HABP4: variants seen among roughly 807,000 people sequenced by gnomAD.
HABP4 encodes the protein hyaluronan binding protein 4, also known as intracellular hyaluronan-binding protein 4.
In HABP4, 32 loss-of-function variants were observed where a neutral mutation model predicts 44.1. That is an observed-to-expected ratio of 0.73 (90% CI 0.55 to 0.97). HABP4 has a LOEUF of 0.97. HABP4 is among the 50% of genes least tolerant of loss of function. HABP4 has a pLI of 0.00. For synonymous variants in HABP4, 216 were observed against 218.0 expected (o/e 0.99, Z 0.08); for missense variants, 503 against 561.9 (o/e 0.90, Z 1.06).
At chr9:96,472,891 C>T (rs541668339) in intron 5 of HABP4, among the ~76,000 whole-genome samples, 52 of 152,272 alleles carry the variant, frequency 3.4e-4, no homozygotes, top group African/African-American at 1.3e-3. Context: ...CTGCAGTCTG[C>T]GTCTTTCTTG....
intron 2 of HABP4, among the ~76,000 whole-genome samples, chr9:96,462,051 C>G (rs994985417): frequency 1.3e-5 from 2 of 151,354 alleles, no homozygotes; most frequent in African/African-American, 4.9e-5. Context: ...GAGGCTGAGG[C>G]AGGAGAATCG....
At chr9:96,467,532 T>C (rs1452359707) in intron 4 of HABP4, among the ~76,000 whole-genome samples, 1 of 147,122 alleles carries the variant, frequency 6.8e-6, no homozygotes, top group Non-Finnish European at 1.5e-5. Context: ...TTTTCCTTTT[T>C]TTTTTTTTTT....
chr9:96,481,997 G>A (rs1377752871), intron 5 of HABP4, among the ~76,000 whole-genome samples: 1 of 150,020 alleles, frequency 6.7e-6, no homozygotes, highest in Non-Finnish European at 1.5e-5. Flanking sequence ...GTGCAGTGGT[G>A]CGATCTCGGC....
intron 1 of HABP4, among the ~76,000 whole-genome samples, chr9:96,451,653 G>A (rs561742971): frequency 6.6e-6 from 1 of 152,066 alleles, no homozygotes; most frequent in Non-Finnish European, 1.5e-5. Flanking sequence ...TGTGCAGCTG[G>A]GTAATGTTTA....
chr9:96,480,422 C>A (rs943939314), intron 5 of HABP4, among the ~76,000 whole-genome samples: 1 of 152,044 alleles, frequency 6.6e-6, no homozygotes. Context: ...GTCTTAGTAT[C>A]TTTTAATATT....
At chr9:96,464,555 G>A (rs1473752632) in intron 2 of HABP4, among the ~76,000 whole-genome samples, 1 of 152,170 alleles carries the variant, frequency 6.6e-6, no homozygotes, top group Non-Finnish European at 1.5e-5. Flanking sequence ...GGAATTGCGT[G>A]GCTGAGGAAC....
intron 4 of HABP4, among the ~76,000 whole-genome samples, chr9:96,467,958 G>C (rs994668030): frequency 6.6e-6 from 1 of 152,236 alleles, no homozygotes; most frequent in African/African-American, 2.4e-5. Flanking sequence ...CCTTGGCCTT[G>C]TAATGTTAAG....
chr9:96,484,821 T>G (rs16910870), intron 6 of HABP4, among the ~76,000 whole-genome samples, 188 bp downstream of exon 6: 147 of 152,196 alleles, frequency 9.7e-4, no homozygotes, highest in African/African-American at 3.4e-3. Flanking sequence ...CTTGAGGTAT[T>G]GACAGATGCA....
intron 5 of HABP4, among the ~76,000 whole-genome samples, chr9:96,480,567 C>G (rs1832859157): frequency 6.6e-6 from 1 of 152,156 alleles, no homozygotes; most frequent in African/African-American, 2.4e-5. Flanking sequence ...CTAAATGCTA[C>G]CATTTATATC....
chr9:96,487,024 T>C (rs1226926808), intron 6 of HABP4, among the ~76,000 whole-genome samples: 2 of 152,020 alleles, frequency 1.3e-5, no homozygotes, highest in Non-Finnish European at 2.9e-5. Context: ...GTGTGTATCT[T>C]TTTACAGAAT....
intron 5 of HABP4, among the ~76,000 whole-genome samples, chr9:96,475,405 A>AAAAAAAG (rs1554725958): frequency 1.2e-4 from 18 of 149,994 alleles, no homozygotes; most frequent in African/African-American, 4.6e-4. Flanking sequence ...AAAAAAAAAA[A>AAAAAAAG]AAGAAGAAAA....
Position 96,488,062 on chromosome 9 carries a change from G to A in HABP4, c.1000-27G>A, listed in dbSNP as rs772473731. On this transcript the variant is annotated intron_variant, in intron 6 of 7. Coordinates refer to ENST00000375249, the MANE Select transcript of HABP4 (RefSeq NM_014282.4). The surrounding 1 kb of genome is among the most constrained non-coding windows in gnomAD (Gnocchi z 4.6). ...TGTGGGGATGGCTGTGGACTTGTGC[G>A]TGTTTGATGCTGTAATTGTGTTTCA... is the stretch of plus-strand genomic sequence containing the variant. 35 of 1,547,600 alleles carry A rather than the reference G, an allele frequency of 2.3e-5. No individual in the cohort carries two copies. The Admixed American group carries it at 3.0e-4, about 13-fold the overall frequency.
At chr9:96,462,506 A>G (rs931903554) in intron 2 of HABP4, among the ~76,000 whole-genome samples, 1 of 151,174 alleles carries the variant, frequency 6.6e-6, no homozygotes, top group Non-Finnish European at 1.5e-5. Context: ...TCAACCACTG[A>G]GGAGGCTGAG....
At chr9:96,478,421 G>A (rs1442631189) in intron 5 of HABP4, among the ~76,000 whole-genome samples, 2 of 152,066 alleles carry the variant, frequency 1.3e-5, no homozygotes, top group African/African-American at 2.4e-5. Flanking sequence ...GTGAGCCACC[G>A]TGCCCGTCCT....
chr9:96,462,464 A>AAT (rs1832518424), intron 2 of HABP4, among the ~76,000 whole-genome samples: 1 of 151,476 alleles, frequency 6.6e-6, no homozygotes, highest in African/African-American at 2.4e-5. Context: ...AAAAAAAAAA[A>AAT]TTGCCAGGCG....
intron 5 of HABP4, among the ~76,000 whole-genome samples, chr9:96,473,840 G>T (rs929549591): frequency 5.3e-5 from 8 of 152,168 alleles, no homozygotes; most frequent in Admixed American, 5.2e-4. Context: ...TCCTTCAGCT[G>T]CCAAAAGGCA....
chr9:96,469,490 G>A (rs964627147), intron 4 of HABP4, among the ~76,000 whole-genome samples: 1 of 152,120 alleles, frequency 6.6e-6, no homozygotes, highest in Non-Finnish European at 1.5e-5. Context: ...CATGGGCCCT[G>A]GGGTTATATC....
chr9:96,456,677 G>C (rs889408095), intron 1 of HABP4, among the ~76,000 whole-genome samples: 6 of 147,288 alleles, frequency 4.1e-5, no homozygotes, highest in African/African-American at 1.5e-4. Context: ...GGAGAATGGC[G>C]TGAACCCGGG....
chr9:96,466,451 G>C (rs1322416241), intron 4 of HABP4, among the ~76,000 whole-genome samples: 2 of 152,122 alleles, frequency 1.3e-5, no homozygotes, highest in African/African-American at 4.8e-5. Context: ...GCCCACACTG[G>C]TCTTGAACTC....
Sources: allele counts gnomAD v4.1 joint callset (sites outside exome capture counted in the v4.1 genomes callset), GRCh38; gene constraint gnomAD v4.1.1; non-coding constraint Gnocchi (gnomAD v3.1); transcripts MANE v1.5; gene names NCBI Gene and HGNC (gene_info 2026-07-23, HGNC 2026-07-21).